Variants in TLN2 observed in about 807,000 individuals in gnomAD.
TLN2 encodes talin 2, also known as talin-2.
In TLN2, 118 loss-of-function variants were observed where a neutral mutation model predicts 294.7. The ratio of observed to expected loss-of-function variants is 0.40; its 90% confidence interval spans 0.34 to 0.47. The LOEUF (loss-of-function observed/expected upper bound fraction) is 0.47, where lower values mean the gene tolerates loss of function less well. Among genes scored for constraint, TLN2 ranks in the 20% least tolerant of loss-of-function variants. TLN2 has a pLI of 0.84. For synonymous variants in TLN2, 1,431 were observed against 1,304.5 expected, an observed-to-expected ratio of 1.10 and a Z score of -2.09; for missense variants, 3,083 against 3,282.2, an observed-to-expected ratio of 0.94 and a Z score of 1.48.
chr15:62,713,944 T>C (rs1004518517), intron 22 of TLN2, among the ~76,000 whole-genome samples: 2 of 148,364 alleles, frequency 1.3e-5, no homozygotes, highest in African/African-American at 4.9e-5. Flanking sequence ...TGTGTGTGTA[T>C]GTATGTATTG....
intron 46 of TLN2, among the ~76,000 whole-genome samples, chr15:62,795,188 T>A (rs912209330): frequency 6.6e-6 from 1 of 152,060 alleles, no homozygotes; most frequent in Non-Finnish European, 1.5e-5. Flanking sequence ...TCCTTCACTT[T>A]GGCATCTGAC....
rs1055721047 is a variant in TLN2 at position 62,792,738 on chromosome 15, G to A, written c.5834G>A (p.Ser1945Asn). The change falls in exon 46 of 59, where the codon AGC becomes AAC. Residue 1945 changes from serine to asparagine, a missense_variant. Transcript: ENST00000636159. ...GCCCTCCAGGTCTGCCCCACAGACAGCTACACCAAGAGGGAGCTGATCGAA... is the reference window on the plus strand; with the variant it reads ...GCCCTCCAGGTCTGCCCCACAGACAACTACACCAAGAGGGAGCTGATCGAA... ...AGALQVCPTDSYTKRELIECA... is the reference protein window; with the variant it reads ...AGALQVCPTDNYTKRELIECA... The A allele has an allele frequency of 1.7e-5, 28 of 1,613,962 alleles. No homozygotes were observed. Among genetic ancestry groups the A allele is most frequent in the Non-Finnish European group, 2.3e-5 (27 of 1,180,042 alleles).
chr15:62,530,929 G>A (rs529520568), intron 1 of TLN2, among the ~76,000 whole-genome samples: 44 of 152,292 alleles, frequency 2.9e-4, no homozygotes, highest in African/African-American at 1.1e-3. Flanking sequence ...ATTAGGTGGT[G>A]TTGGGGTCTA....
At position 62,694,372 on chromosome 15, in the gene TLN2, A is replaced by G. The variant is rs1369460236; in HGVS notation, c.1272A>G (p.Glu424=). The G allele has an allele frequency of 1.2e-6, 2 of 1,614,122 alleles. No homozygotes were observed. Among genetic ancestry groups the G allele is most frequent in the East Asian group, 2.2e-5 (1 of 44,878 alleles). ...LEGDEESTML[E]ESVSPKKSTI... is the part of the protein sequence containing the mutation. ...GTGATGAGGAGTCAACCATGTTAGA[A>G]GAGTCCGTTTCCCCAAAAAAGTAAG... Residue 424 remains glutamate, a synonymous_variant, in exon 14 of 59, where the codon GAA becomes GAG. Coordinates refer to ENST00000636159, the MANE Select transcript of TLN2 (RefSeq NM_015059.3).
At chr15:62,736,032 G>C (rs559664879) in intron 28 of TLN2, among the ~76,000 whole-genome samples, 1 of 152,292 alleles carries the variant, frequency 6.6e-6, no homozygotes, top group South Asian at 2.1e-4. Flanking sequence ...CAGGTAAAAG[G>C]CTGGGCGCAG....
chr15:62,805,133 C>T (rs1159672429), intron 50 of TLN2, among the ~76,000 whole-genome samples: 1 of 152,096 alleles, frequency 6.6e-6, no homozygotes, highest in African/African-American at 2.4e-5. Context: ...GCTTCATTTC[C>T]CCCAACCTCA....
At chr15:62,826,668 C>G (rs1044115469) in intron 54 of TLN2, among the ~76,000 whole-genome samples, 2 of 152,126 alleles carry the variant, frequency 1.3e-5, no homozygotes, top group Non-Finnish European at 2.9e-5. Context: ...CAAGGCACCT[C>G]TCAGTTCAAT....
chr15:62,524,121 A>G (rs2040607800), intron 1 of TLN2, among the ~76,000 whole-genome samples: 1 of 152,198 alleles, frequency 6.6e-6, no homozygotes, highest in Non-Finnish European at 1.5e-5. Flanking sequence ...CCATTTTCTT[A>G]GGAGGAGAGC....
intron 3 of TLN2, chr15:62,638,044 A>C (rs6494333): frequency 0.27 from 40,897 of 153,942 alleles, 6,755 homozygotes; most frequent in East Asian, 0.66. Flanking sequence ...TGGGCTAAGC[A>C]GCTTGAACCT....
At chr15:62,648,870 G>C (rs576559686) in intron 4 of TLN2, among the ~76,000 whole-genome samples, 84 of 150,676 alleles carry the variant, frequency 5.6e-4, no homozygotes, top group African/African-American at 1.9e-3. Context: ...TTTGAGACAG[G>C]GTCTCGCTCT....
chr15:62,460,316 A>T (rs1190122126), intron 1 of TLN2, among the ~76,000 whole-genome samples: 1 of 141,250 alleles, frequency 7.1e-6, no homozygotes, highest in Non-Finnish European at 1.5e-5. Flanking sequence ...CCCAGGCTGG[A>T]GTGCAATGGC....
At chr15:62,835,449 A>C (rs1272490674) in intron 55 of TLN2, 1 of 498,952 alleles carries the variant, frequency 2.0e-6, no homozygotes. Context: ...CCAGGTCATC[A>C]TTCCTGAGCC....
chr15:62,443,583 C>T (rs1457468028), intron 1 of TLN2, among the ~76,000 whole-genome samples: 1 of 152,186 alleles, frequency 6.6e-6, no homozygotes, highest in Non-Finnish European at 1.5e-5. Flanking sequence ...GAACTTCAAA[C>T]TTTAGATTAA....
intron 43 of TLN2, among the ~76,000 whole-genome samples, chr15:62,778,205 G>A (rs557634289): frequency 6.6e-6 from 1 of 152,214 alleles, no homozygotes; most frequent in African/African-American, 2.4e-5. Context: ...GGAATGCTGC[G>A]TCTCCCTTTA....
At chr15:62,426,531 A>C (rs186578645) in intron 1 of TLN2, among the ~76,000 whole-genome samples, 61 of 152,292 alleles carry the variant, frequency 4.0e-4, no homozygotes, top group Non-Finnish European at 7.9e-4. Flanking sequence ...TTAGACCCAG[A>C]CAGACCTCAG....
chr15:62,576,818 C>T lies in TLN2; in HGVS notation c.-237-12869C>T, dbSNP rs536629367. ...TCTAGAGGAGCTGATTCTGGAAATCCGAGGGAAACACTGAGAACATAAATA... is the reference window on the plus strand; with the variant it reads ...TCTAGAGGAGCTGATTCTGGAAATCTGAGGGAAACACTGAGAACATAAATA... On this transcript the variant is annotated intron_variant, in intron 1 of 58. Coordinates refer to ENST00000636159, the MANE Select transcript of TLN2 (RefSeq NM_015059.3). 9.2e-5 allele frequency among the ~76,000 whole-genome samples: 14 copies of T among 152,088 alleles called. No homozygotes were observed. The South Asian group carries it at 2.3e-3, about 25-fold the overall frequency.
intron 51 of TLN2, among the ~76,000 whole-genome samples, chr15:62,808,217 G>T (rs1389147532): frequency 6.6e-6 from 1 of 152,100 alleles, no homozygotes; most frequent in Non-Finnish European, 1.5e-5. Flanking sequence ...TTTCTTTCTA[G>T]TCTTACTTTC....
chr15:62,523,142 T>C (rs893282851), intron 1 of TLN2, among the ~76,000 whole-genome samples: 1 of 152,206 alleles, frequency 6.6e-6, no homozygotes, highest in African/African-American at 2.4e-5. Context: ...CAGAAGTTTA[T>C]ATAAAGTACA....
intron 3 of TLN2, among the ~76,000 whole-genome samples, chr15:62,643,599 G>A (rs1423948857): frequency 6.6e-6 from 1 of 151,908 alleles, no homozygotes; most frequent in African/African-American, 2.4e-5. Context: ...CTCTTGAGAT[G>A]TAAGGATGAG....
Sources: allele counts gnomAD v4.1 joint callset (sites outside exome capture counted in the v4.1 genomes callset), GRCh38; gene constraint gnomAD v4.1.1; transcripts MANE v1.5; gene names NCBI Gene and HGNC (gene_info 2026-07-23, HGNC 2026-07-21).